Variants in IL1RAPL1 observed in about 807,000 individuals in gnomAD.
IL1RAPL1 encodes the protein interleukin-1 receptor accessory protein-like 1.
IL1RAPL1 carries 3 observed loss-of-function variants against 48.4 expected under a neutral mutation model. That is an observed-to-expected ratio of 0.06 (90% confidence interval 0.03 to 0.16). IL1RAPL1 has a LOEUF of 0.16. Ranked by LOEUF, IL1RAPL1 falls within the 10% of genes least tolerant of loss-of-function variation. IL1RAPL1 has a pLI of 1.00. For synonymous variants in IL1RAPL1, 185 were observed against 187.7 expected (o/e 0.99, Z 0.12); for missense variants, 349 against 530.6 (o/e 0.66, Z 3.36).
At chrX:28,895,312 T>C (rs1262516971) in intron 2 of IL1RAPL1, among the ~76,000 whole-genome samples, 7 of 110,030 alleles carry the variant, frequency 6.4e-5, no homozygotes, top group Admixed American at 1.9e-4. Flanking sequence ...CTGTAGCAGG[T>C]GAGTGATAAC....
chrX:29,225,768 C>G (rs1931065309), intron 2 of IL1RAPL1, among the ~76,000 whole-genome samples: 2 of 111,285 alleles, frequency 1.8e-5, no homozygotes, highest in Admixed American at 1.9e-4. Context: ...GAAGTAGGGC[C>G]CTATCTTTCT....
chrX:29,706,156 C>T (rs1927188302), intron 6 of IL1RAPL1, among the ~76,000 whole-genome samples: 1 of 111,507 alleles, frequency 9.0e-6, no homozygotes, highest in South Asian at 3.8e-4. Context: ...GAAAGACCCG[C>T]CCACATGATT....
At chrX:28,936,038 A>T (rs1924007375) in intron 2 of IL1RAPL1, among the ~76,000 whole-genome samples, 1 of 111,625 alleles carries the variant, frequency 9.0e-6, no homozygotes, top group Non-Finnish European at 1.9e-5. Flanking sequence ...ACTGGAATTG[A>T]TCTGCTGTGA....
intron 2 of IL1RAPL1, among the ~76,000 whole-genome samples, chrX:29,167,356 C>G (rs1336038031): frequency 9.2e-6 from 1 of 108,979 alleles, no homozygotes; most frequent in African/African-American, 3.3e-5. Context: ...CTCACTTCCT[C>G]CTTTCCTTCT....
chrX:28,728,507 A>C (rs1935709677), intron 1 of IL1RAPL1, among the ~76,000 whole-genome samples: 1 of 111,557 alleles, frequency 9.0e-6, no homozygotes, highest in South Asian at 3.7e-4. Flanking sequence ...AGTATCTCTA[A>C]AAAAATTGTT....
At chrX:28,695,651 C>T (rs979126913) in intron 1 of IL1RAPL1, among the ~76,000 whole-genome samples, 9 of 111,663 alleles carry the variant, frequency 8.1e-5, no homozygotes, top group Non-Finnish European at 7.5e-5. Context: ...TTTAATGATA[C>T]GTTAAAATAG....
chrX:29,800,845 AAAAAATT>A (rs2147167261), intron 6 of IL1RAPL1, among the ~76,000 whole-genome samples: 1 of 97,237 alleles, frequency 1.0e-5, no homozygotes, highest in East Asian at 3.2e-4. Flanking sequence ...AAAAAAAAAA[AAAAAATT>A]AGCCAGGCGT....
chrX:29,006,694 T>TGTGTGTGTGTGTG (rs759262818), intron 2 of IL1RAPL1, among the ~76,000 whole-genome samples: 2 of 101,958 alleles, frequency 2.0e-5, no homozygotes, highest in African/African-American at 3.6e-5. Context: ...TGTGTGTGTG[T>TGTGTGTGTGTGTG]TATTAAATAT....
At chrX:29,602,990 GT>G (rs1411607922) in intron 5 of IL1RAPL1, among the ~76,000 whole-genome samples, 2 of 112,473 alleles carry the variant, frequency 1.8e-5, no homozygotes, top group African/African-American at 6.5e-5. Context: ...ACAAGGCCAG[GT>G]GTGGTGGTGG....
rs762040208 is a variant in IL1RAPL1 at position 29,521,344 on chromosome X, C to A, written c.703+122036C>A. Among the ~76,000 whole-genome samples, 110 of 111,747 alleles carry A rather than the reference C, an allele frequency of 9.8e-4. 3 individuals carry two copies. The highest frequency in any genetic ancestry group is 2.4e-4 in the Non-Finnish European group (13 of 53,143). On this transcript the variant is annotated intron_variant, in intron 5 of 10. Transcript: ENST00000378993. Reference sequence around the variant, plus strand: ...ATTGGAGCCAAATTGCTGGGATGAGCCATCATTCCCCCATCCCCCTTTCAC... The same window carrying A: ...ATTGGAGCCAAATTGCTGGGATGAGACATCATTCCCCCATCCCCCTTTCAC...
chrX:29,652,369 C>T (rs1261699777), intron 5 of IL1RAPL1, among the ~76,000 whole-genome samples: 1 of 111,073 alleles, frequency 9.0e-6, no homozygotes, highest in Non-Finnish European at 1.9e-5. Context: ...AAAGTTTAAC[C>T]TACAAGTTGA....
In IL1RAPL1 at chrX:28,704,828, ACAC is replaced by A. The variant is rs199567198; in HGVS notation, c.-24-84491_-24-84489del. Among the ~76,000 whole-genome samples the A allele has an allele frequency of 3.1e-3, 181 of 57,764 alleles. 2 individuals carry two copies. Among genetic ancestry groups the A allele is most frequent in the African/African-American group, 6.4e-3 (95 of 14,764 alleles). The allele number at this position is 57,764 out of a possible 115,157, so 50.2% of individuals were successfully genotyped here. On this transcript the variant is annotated intron_variant, in intron 1 of 10. Coordinates refer to ENST00000378993, the MANE Select transcript of IL1RAPL1 (RefSeq NM_014271.4). Reference sequence around the variant, plus strand: ...CACACACACACACACACACACACACACACAAAAAAAAAAAAAAAAAACTGTGAC... The same window carrying A: ...CACACACACACACACACACACACACAAAAAAAAAAAAAAAAAAACTGTGAC...
At chrX:28,911,085 TGAC>T (rs754436065) in intron 2 of IL1RAPL1, among the ~76,000 whole-genome samples, 1 of 111,478 alleles carries the variant, frequency 9.0e-6, no homozygotes, top group South Asian at 3.7e-4. Flanking sequence ...TAAAATTAGA[TGAC>T]GAATATTTGA....
rs1453392703 is a variant in IL1RAPL1 at position 28,643,468 on chromosome X, T to C, written c.-25+55421T>C. Among the ~76,000 whole-genome samples the C allele has an allele frequency of 2.7e-5, 3 of 111,226 alleles. No individual in the cohort carries two copies. In the Admixed American group the frequency reaches 2.9e-4, roughly 11 times the overall value. On this transcript the variant is annotated intron_variant, in intron 1 of 10. Transcript: ENST00000378993. Reference sequence around the variant, plus strand: ...GTTACAAGATGAAACCTATTCAATGTGTGAGAAAACTACATAAGGGCATGA... The same window carrying C: ...GTTACAAGATGAAACCTATTCAATGCGTGAGAAAACTACATAAGGGCATGA...
intron 3 of IL1RAPL1, among the ~76,000 whole-genome samples, chrX:29,385,226 G>A (rs945558805): frequency 8.9e-6 from 1 of 112,077 alleles, no homozygotes; most frequent in African/African-American, 3.2e-5. Flanking sequence ...AGGCCGCAGT[G>A]GGTGGATCAC....
chrX:29,724,351 C>A (rs1403853507), intron 6 of IL1RAPL1, among the ~76,000 whole-genome samples: 1 of 111,695 alleles, frequency 9.0e-6, no homozygotes, highest in African/African-American at 3.3e-5. Flanking sequence ...GAATTGTAAG[C>A]TATTCTTCTA....
chrX:29,065,594 C>T (rs766573740), intron 2 of IL1RAPL1, among the ~76,000 whole-genome samples: 4 of 111,558 alleles, frequency 3.6e-5, no homozygotes, highest in Admixed American at 1.9e-4. Flanking sequence ...AAGCTTTCAG[C>T]CGTATTTTTA....
chrX:29,898,933 C>A lies in IL1RAPL1; in HGVS notation c.779-18531C>A, dbSNP rs547170738. Among the ~76,000 whole-genome samples the A allele has an allele frequency of 3.5e-4, 39 of 112,035 alleles. No homozygotes were observed. In the South Asian group the frequency reaches 0.015, roughly 42 times the overall value. ...CAGTAAAGCTATTCTCAAGTGATAA[C>A]CTTTTATTAGATGCTGGCAAGTCTG... On this transcript the variant is annotated intron_variant, in intron 6 of 10. Transcript: ENST00000378993.
At chrX:28,981,685 A>G (rs4607793) in intron 2 of IL1RAPL1, among the ~76,000 whole-genome samples, 7,690 of 111,133 alleles carry the variant, frequency 0.069, 239 homozygotes, top group Middle Eastern at 0.26. Flanking sequence ...TACCATCTGA[A>G]TGTGGTAAAA....
Sources: allele counts gnomAD v4.1 joint callset (sites outside exome capture counted in the v4.1 genomes callset), GRCh38; gene constraint gnomAD v4.1.1; transcripts MANE v1.5; gene names NCBI Gene and HGNC (gene_info 2026-07-23, HGNC 2026-07-21).